The following TTC21A variants were observed in gnomAD, a reference collection of about 807,000 sequenced individuals.
TTC21A encodes the protein tetratricopeptide repeat protein 21A.
TTC21A carries 128 observed loss-of-function variants against 156.4 expected under a neutral mutation model. That is an observed-to-expected ratio of 0.82 (90% CI 0.71 to 0.95). TTC21A has a LOEUF of 0.95. Among genes scored for constraint, TTC21A ranks in the 40% least tolerant of loss-of-function variants. The probability of loss-of-function intolerance (pLI) is 0.00; values close to 1 mark genes in which losing one functional copy is unlikely to be tolerated. For synonymous variants in TTC21A, 587 were observed against 617.1 expected (o/e 0.95, Z 0.72); for missense variants, 1,435 against 1,602.3 (o/e 0.90, Z 1.78).
chr3:39,129,426 T>C, intron 15 of TTC21A, 116 bp downstream of exon 15: 2 of 790,870 alleles, frequency 2.5e-6, no homozygotes, highest in South Asian at 1.6e-5. Context: ...TGGAGTGTAG[T>C]TGATGAATGT....
chr3:39,109,959 G>C, intron 2 of TTC21A, 70 bp from the exon 3 acceptor site: 1 of 1,138,094 alleles, frequency 8.8e-7, no homozygotes. Context: ...GAGCTGTTGG[G>C]TCAGCTACAG....
chr3:39,111,170 G>A (rs756287486), intron 4 of TTC21A, among the ~76,000 whole-genome samples, 153 bp downstream of exon 4: 2 of 152,204 alleles, frequency 1.3e-5, no homozygotes, highest in Non-Finnish European at 2.9e-5. Context: ...TGCCCCACGC[G>A]TGTTGTCTCT....
chr3:39,126,472 T>C, intron 12 of TTC21A, 82 bp downstream of exon 12: 1 of 1,023,318 alleles, frequency 9.8e-7, no homozygotes. Context: ...TTGCCTAGGA[T>C]ACTACACACA....
Position 39,130,648 on chromosome 3 carries a change from G to A in TTC21A, c.2320-53G>A. Reference sequence around the variant, plus strand: ...GGCTGCTGAGGGGAACATGGTGTCGGGCACTGAAGGGCAGAACCAGGCCAG... The same window carrying A: ...GGCTGCTGAGGGGAACATGGTGTCGAGCACTGAAGGGCAGAACCAGGCCAG... On this transcript the variant is annotated intron_variant, in intron 17 of 28. Coordinates refer to ENST00000683103, the MANE Select transcript of TTC21A (RefSeq NM_001366900.1). The surrounding 1 kb of genome is among the most constrained non-coding windows in gnomAD (Gnocchi z 4.5). The A allele has an allele frequency of 6.2e-7, 1 of 1,602,406 alleles. No homozygotes were observed. The highest frequency in any genetic ancestry group is 8.5e-7 in the Non-Finnish European group (1 of 1,172,436).
At chr3:39,110,340 G>A (rs1370950537) in intron 3 of TTC21A, 3 of 637,318 alleles carry the variant, frequency 4.7e-6, no homozygotes, top group Admixed American at 4.6e-5. Flanking sequence ...GCCCAACTGA[G>A]TGGAAGCAGG....
intron 1 of TTC21A, 106 bp downstream of exon 1, chr3:39,107,970 A>G: frequency 7.0e-7 from 1 of 1,422,668 alleles, no homozygotes; most frequent in Admixed American, 1.8e-5. Context: ...GTCCTCAGTT[A>G]TATCAGGCGG....
chr3:39,129,344 T>C, intron 15 of TTC21A, 34 bp downstream of exon 15: 1 of 1,479,926 alleles, frequency 6.8e-7, no homozygotes, highest in Non-Finnish European at 9.4e-7. Context: ...GACAGCTTCT[T>C]CTCCAATGGT....
chr3:39,135,829 G>T (rs2039069913), intron 22 of TTC21A, among the ~76,000 whole-genome samples: 3 of 152,144 alleles, frequency 2.0e-5, no homozygotes, highest in African/African-American at 4.8e-5. Context: ...CCCGAGGCGG[G>T]CAGATCACAA....
At chr3:39,133,707 T>C (rs182865826) in intron 20 of TTC21A, among the ~76,000 whole-genome samples, 1 of 152,178 alleles carries the variant, frequency 6.6e-6, no homozygotes, top group East Asian at 1.9e-4. Flanking sequence ...TAGTGACCGA[T>C]ACATTCATTC....
chr3:39,113,836 A>G (rs1247880451), intron 5 of TTC21A, among the ~76,000 whole-genome samples: 1 of 152,260 alleles, frequency 6.6e-6, no homozygotes, highest in Non-Finnish European at 1.5e-5. Context: ...GTTTCCAGTT[A>G]TGCACTTAAA....
chr3:39,107,819 G>C lies in TTC21A; in HGVS notation c.-19G>C, dbSNP rs755836641. 6.2e-7 allele frequency: 1 copy of C among 1,612,470 alleles called. No homozygotes were observed. The highest frequency in any genetic ancestry group is 8.5e-7 in the Non-Finnish European group (1 of 1,180,002). ...CACCGCCCCACCAGACCCGGACTCG[G>C]AGCCGCGAGCGGCCCGAGATGAGCA... On this transcript the variant is annotated 5_prime_UTR_variant, in exon 1 of 29. Transcript: ENST00000683103.
At chr3:39,122,296 G>T (rs552341257) in intron 9 of TTC21A, among the ~76,000 whole-genome samples, 2 of 146,096 alleles carry the variant, frequency 1.4e-5, no homozygotes, top group South Asian at 4.4e-4. Flanking sequence ...GGGCCACAGA[G>T]TGAGACTCCA....
intron 19 of TTC21A, 192 bp from the exon 20 acceptor site, chr3:39,132,860 C>G: frequency 4.9e-6 from 3 of 614,922 alleles, no homozygotes; most frequent in Non-Finnish European, 8.6e-6. Flanking sequence ...GCTCCTGCCC[C>G]CAGAGGCAGT....
At chr3:39,110,287 G>A in intron 3 of TTC21A, 148 bp downstream of exon 3, 1 of 705,002 alleles carries the variant, frequency 1.4e-6, no homozygotes, top group Non-Finnish European at 2.6e-6. Context: ...AGTGGCTGCT[G>A]CTCCTCTCCC....
At chr3:39,136,077 A>G in intron 22 of TTC21A, 1 of 203,728 alleles carries the variant, frequency 4.9e-6, no homozygotes, top group African/African-American at 2.3e-5. Context: ...AAAAAAGATT[A>G]GGTACCTACC....
intron 22 of TTC21A, 94 bp downstream of exon 22, chr3:39,135,268 G>A: frequency 9.2e-7 from 1 of 1,091,096 alleles, no homozygotes; most frequent in Non-Finnish European, 1.4e-6. Flanking sequence ...CTTCCTGACT[G>A]GGCAGAGGAA....
Position 39,125,506 on chromosome 3 carries a change from G to C in TTC21A, c.1366G>C (p.Glu456Gln). The change falls in exon 11 of 29, where the codon GAG becomes CAG. Residue 456 changes from glutamate (E) to glutamine (Q), a missense_variant. Glu to Gln is a conservative substitution (Grantham distance 29, BLOSUM62 2). Transcript: ENST00000683103. ...DPYFLVCIAKEYLLFCPKQPR... is the reference protein window; with the variant it reads ...DPYFLVCIAKQYLLFCPKQPR... ...GTACTTCCTGGTCTGCATTGCTAAG[G>C]AGTACTTGCTCTTCTGCCCCAAGCA... The C allele has an allele frequency of 2.5e-6, 4 of 1,613,860 alleles. No homozygotes were observed. Among genetic ancestry groups the C allele is most frequent in the Non-Finnish European group, 3.4e-6 (4 of 1,179,754 alleles).
At chr3:39,116,278 G>A (rs1339012292) in intron 6 of TTC21A, among the ~76,000 whole-genome samples, 3 of 152,100 alleles carry the variant, frequency 2.0e-5, no homozygotes, top group African/African-American at 7.2e-5. Flanking sequence ...GTAAAGATGT[G>A]TTTCTGTTTT....
At position 39,129,232 on chromosome 3, in the gene TTC21A, A is replaced by G. The variant is rs537363379; in HGVS notation, c.2057A>G (p.Tyr686Cys). 1.2e-6 allele frequency: 2 copies of G among 1,614,250 alleles called. No individual in the cohort carries two copies. Among genetic ancestry groups the G allele is most frequent in the East Asian group, 2.2e-5 (1 of 44,888 alleles). ...AACATCTTGCCCAAGCAGTCCTGCT[A>G]TATGGAAGCCAGAGAGAAGATGGCC... ...LRNILPKQSC[Y>C]MEAREKMANI... The change falls in exon 15 of 29, where the codon TAT becomes TGT. Residue 686 changes from tyrosine to cysteine, a missense_variant. Physicochemically the swap from Tyr to Cys is radical, Grantham distance 194 (BLOSUM62 -2). Coordinates refer to ENST00000683103, the MANE Select transcript of TTC21A (RefSeq NM_001366900.1).
Sources: gnomAD v4.1 joint callset for allele counts (sites outside exome capture counted in the v4.1 genomes callset) on GRCh38, gnomAD v4.1.1 for gene constraint, Gnocchi (gnomAD v3.1) non-coding constraint, MANE v1.5 for transcripts, NCBI Gene and HGNC (gene_info 2026-07-23, HGNC 2026-07-21) for gene names.